Variants in TNFSF4 observed in about 807,000 individuals in gnomAD.
TNFSF4 encodes TNF superfamily member 4, also known as tumor necrosis factor ligand superfamily member 4.
Under a neutral mutation model 7.3 loss-of-function variants are expected in TNFSF4, and 4 were observed. The observed-to-expected ratio is 0.55, with a 90% CI of 0.27 to 1.25. TNFSF4 has a LOEUF of 1.25. Among genes scored for constraint, TNFSF4 ranks in the 50% most tolerant of loss-of-function variants. The pLI is 0.12. For synonymous variants in TNFSF4, 76 were observed against 83.7 expected (o/e 0.91, Z 0.50); for missense variants, 181 against 208.8 (o/e 0.87, Z 0.82).
the TNFSF4 span, among the ~76,000 whole-genome samples, chr1:173,431,101 A>G: frequency 6.6e-6 from 1 of 152,254 alleles, no homozygotes; most frequent in Non-Finnish European, 1.5e-5. Context: ...TCAAAGAGCT[A>G]AAGGGCATGT....
At chr1:173,375,750 A>C in the TNFSF4 span, among the ~76,000 whole-genome samples, 2 of 152,102 alleles carry the variant, frequency 1.3e-5, no homozygotes, top group African/African-American at 2.4e-5. Flanking sequence ...GGGGACAAAT[A>C]AGGGAATAAA....
the TNFSF4 span, among the ~76,000 whole-genome samples, chr1:173,303,741 C>T: frequency 3.3e-5 from 5 of 151,880 alleles, no homozygotes; most frequent in Non-Finnish European, 5.9e-5. Flanking sequence ...GCCTTCTACA[C>T]TATTTGTGTA....
the TNFSF4 span, among the ~76,000 whole-genome samples, chr1:173,253,410 G>A: frequency 6.6e-5 from 10 of 152,322 alleles, no homozygotes; most frequent in East Asian, 9.6e-4. Flanking sequence ...GCCCCATGCC[G>A]TGCTGGCAAA....
At chr1:173,289,615 A>G in the TNFSF4 span, among the ~76,000 whole-genome samples, 31 of 152,192 alleles carry the variant, frequency 2.0e-4, no homozygotes, top group Admixed American at 1.5e-3. Context: ...AAGAAATGAC[A>G]CTAATGGCAA....
chr1:173,203,383 T>C (rs1650034524), intron 1 of TNFSF4, among the ~76,000 whole-genome samples: 1 of 152,232 alleles, frequency 6.6e-6, no homozygotes, highest in African/African-American at 2.4e-5. Context: ...ATTTTTTAAT[T>C]CTCAAAGATT....
At chr1:173,387,516 A>AT in the TNFSF4 span, among the ~76,000 whole-genome samples, 1 of 152,194 alleles carries the variant, frequency 6.6e-6, no homozygotes, top group Non-Finnish European at 1.5e-5. Context: ...AGTCATAGGT[A>AT]TTTTGTTATA....
At chr1:173,378,422 G>A in the TNFSF4 span, among the ~76,000 whole-genome samples, 5 of 152,274 alleles carry the variant, frequency 3.3e-5, no homozygotes, top group South Asian at 4.1e-4. Context: ...AACCACGGGC[G>A]GTTTGTCTTT....
the TNFSF4 span, among the ~76,000 whole-genome samples, chr1:173,326,003 C>G: frequency 6.6e-6 from 1 of 152,210 alleles, no homozygotes; most frequent in Non-Finnish European, 1.5e-5. Flanking sequence ...GGATTCCTCC[C>G]TAACTCATAT....
At chr1:173,450,434 T>C in the TNFSF4 span, among the ~76,000 whole-genome samples, 1 of 152,016 alleles carries the variant, frequency 6.6e-6, no homozygotes, top group Non-Finnish European at 1.5e-5. Flanking sequence ...TTTTATGAGA[T>C]TGGCATTACC....
the TNFSF4 span, among the ~76,000 whole-genome samples, chr1:173,219,669 TACAC>T: frequency 0.026 from 3,872 of 146,848 alleles, 146 homozygotes; most frequent in African/African-American, 0.089. Context: ...GAAATTGTGA[TACAC>T]ACACACACAC....
At chr1:173,272,027 A>G in the TNFSF4 span, among the ~76,000 whole-genome samples, 1 of 152,180 alleles carries the variant, frequency 6.6e-6, no homozygotes, top group Non-Finnish European at 1.5e-5. Context: ...CATAAAATGT[A>G]TGAGTTCATG....
chr1:173,245,454 T>C, the TNFSF4 span, among the ~76,000 whole-genome samples: 1 of 152,242 alleles, frequency 6.6e-6, no homozygotes, highest in Non-Finnish European at 1.5e-5. Flanking sequence ...TCGTTTTGTG[T>C]GTCCCTTTTA....
the TNFSF4 span, among the ~76,000 whole-genome samples, chr1:173,248,724 A>G: frequency 6.6e-6 from 1 of 152,214 alleles, no homozygotes; most frequent in Non-Finnish European, 1.5e-5. Context: ...TCATGTTACA[A>G]ATTTGGAGCT....
intron 1 of TNFSF4, among the ~76,000 whole-genome samples, chr1:173,200,403 A>T (rs906639051): frequency 7.2e-5 from 11 of 152,224 alleles, no homozygotes; most frequent in Non-Finnish European, 1.5e-4. Context: ...CAAGTAGTAC[A>T]TTGAATAATA....
chr1:173,413,346 A>T, the TNFSF4 span, among the ~76,000 whole-genome samples: 2 of 152,152 alleles, frequency 1.3e-5, no homozygotes, highest in African/African-American at 4.8e-5. Context: ...GTTTCCCTGT[A>T]TCTGTGGGGG....
At chr1:173,248,346 ACT>A in the TNFSF4 span, among the ~76,000 whole-genome samples, 1 of 151,088 alleles carries the variant, frequency 6.6e-6, no homozygotes, top group Non-Finnish European at 1.5e-5. Flanking sequence ...ACAGAGTGAG[ACT>A]CTGTCAAAAA....
chr1:173,264,120 G>A, the TNFSF4 span, among the ~76,000 whole-genome samples: 2 of 152,014 alleles, frequency 1.3e-5, no homozygotes, highest in Non-Finnish European at 2.9e-5. Context: ...ATGTACCCCT[G>A]AACTTAAAAT....
At chr1:173,205,551 T>C in intron 1 of TNFSF4, 2 of 1,307,970 alleles carry the variant, frequency 1.5e-6, no homozygotes, top group Non-Finnish European at 2.0e-6. Context: ...CCATGTGTCC[T>C]GTGTTTTATC....
At chr1:173,400,787 C>G in the TNFSF4 span, among the ~76,000 whole-genome samples, 1 of 152,210 alleles carries the variant, frequency 6.6e-6, no homozygotes, top group African/African-American at 2.4e-5. Context: ...CAGCACAATC[C>G]AGACAGAACT....
Sources: gnomAD v4.1 joint callset for allele counts (sites outside exome capture counted in the v4.1 genomes callset) on GRCh38, gnomAD v4.1.1 for gene constraint, MANE v1.5 for transcripts, NCBI Gene and HGNC (gene_info 2026-07-23, HGNC 2026-07-21) for gene names.